Variants in ADGRG2 observed in about 807,000 individuals in gnomAD.
The protein encoded by ADGRG2 is G protein-coupled receptor 64.
In ADGRG2, 26 loss-of-function variants were observed where a neutral mutation model predicts 74.1. The observed-to-expected ratio is 0.35, with a 90% CI of 0.26 to 0.49. The LOEUF is 0.49. Ranked by LOEUF, ADGRG2 falls within the 20% of genes least tolerant of loss-of-function variation. ADGRG2 has a pLI of 0.99. For missense variants in ADGRG2, 619 were observed against 763.1 expected, an observed-to-expected ratio of 0.81 and a Z score of 2.22; for synonymous variants, 296 against 295.2, an observed-to-expected ratio of 1.00 and a Z score of -0.03.
chrX:19,114,897 C>T (rs758404126), intron 1 of ADGRG2, among the ~76,000 whole-genome samples: 2 of 111,783 alleles, frequency 1.8e-5, no homozygotes, highest in African/African-American at 3.3e-5. Context: ...TGACCTTAGA[C>T]AAGTAACTTA....
Position 19,013,783 on chromosome X carries a change from G to C in ADGRG2, c.1002C>G (p.Val334=). 1 of 1,199,567 alleles carries C rather than the reference G, an allele frequency of 8.3e-7. No individual in the cohort carries two copies. The highest frequency in any genetic ancestry group is 1.1e-6 in the Non-Finnish European group (1 of 890,000). Residue 334 remains valine, a synonymous_variant, in exon 16 of 29, where the codon GTC becomes GTG. Transcript: ENST00000379869. ...TISSPMPQTH[V]SGTPPPVKAS... ...CTTTCACAGGAGGTGGGGTGCCGGA[G>C]ACATGGGTTTGGGGCATAGGGGAAG...
intron 1 of ADGRG2, among the ~76,000 whole-genome samples, chrX:19,102,796 T>C (rs1358024378): frequency 1.8e-5 from 2 of 110,675 alleles, no homozygotes; most frequent in African/African-American, 6.6e-5. Context: ...AGAAGGCAGC[T>C]GTCTATAAAC....
chrX:19,116,467 C>T (rs1459854461), intron 1 of ADGRG2, among the ~76,000 whole-genome samples: 1 of 97,355 alleles, frequency 1.0e-5, no homozygotes, highest in Non-Finnish European at 2.0e-5. Context: ...GCCAAGATCG[C>T]GCCACTGCAG....
chrX:19,111,250 T>C (rs1858816636), intron 1 of ADGRG2, among the ~76,000 whole-genome samples: 1 of 111,167 alleles, frequency 9.0e-6, no homozygotes, highest in Admixed American at 9.7e-5. Flanking sequence ...GAGATGCCTC[T>C]TAGAGATTCA....
At chrX:19,004,970 A>G (rs2060201142) in intron 22 of ADGRG2, 91 bp from the exon 23 acceptor site, 12 of 689,080 alleles carry the variant, frequency 1.7e-5, no homozygotes, top group Non-Finnish European at 2.5e-5. Flanking sequence ...ATCCATTCAT[A>G]GTCTATTCAA....
intron 14 of ADGRG2, among the ~76,000 whole-genome samples, chrX:19,020,054 A>G (rs2060557179): frequency 9.0e-6 from 1 of 111,676 alleles, no homozygotes; most frequent in Admixed American, 9.6e-5. Context: ...ACAGAGAGTG[A>G]AATGCTGTTT....
At chrX:19,071,540 A>G (rs1383652161) in intron 2 of ADGRG2, among the ~76,000 whole-genome samples, 4 of 112,031 alleles carry the variant, frequency 3.6e-5, no homozygotes, top group South Asian at 3.8e-4. Context: ...CTTATTGTAC[A>G]TAATTCCATT....
At chrX:18,997,602 TG>T (rs1398818302) in intron 26 of ADGRG2, among the ~76,000 whole-genome samples, 1 of 112,707 alleles carries the variant, frequency 8.9e-6, no homozygotes, top group Non-Finnish European at 1.9e-5. Flanking sequence ...GTGTAACACC[TG>T]GATATACCAA....
chrX:19,094,628 C>A (rs2062066325), intron 1 of ADGRG2, among the ~76,000 whole-genome samples: 1 of 112,674 alleles, frequency 8.9e-6, no homozygotes, highest in African/African-American at 3.2e-5. Flanking sequence ...CCAGGAAAGT[C>A]TTGCAGTGGC....
At chrX:19,065,248 C>G (rs1202173106) in intron 3 of ADGRG2, among the ~76,000 whole-genome samples, 2 of 34,289 alleles carry the variant, frequency 5.8e-5, no homozygotes, top group Non-Finnish European at 9.7e-5. Flanking sequence ...TGGGCGACAA[C>G]AAGATCCTGT....
intron 1 of ADGRG2, among the ~76,000 whole-genome samples, chrX:19,100,430 CAA>C (rs1206572134): frequency 4.4e-5 from 5 of 113,230 alleles, no homozygotes; most frequent in African/African-American, 1.3e-4. Flanking sequence ...GACTCTGTTC[CAA>C]TAAACCTTCA....
intron 24 of ADGRG2, among the ~76,000 whole-genome samples, chrX:19,000,347 A>C (rs905945677): frequency 4.5e-5 from 5 of 111,690 alleles, no homozygotes. Flanking sequence ...TAGAGATCAC[A>C]TCCTATTTAC....
chrX:19,045,123 G>A (rs1601976368), intron 3 of ADGRG2, among the ~76,000 whole-genome samples: 1 of 109,785 alleles, frequency 9.1e-6, no homozygotes, highest in Non-Finnish European at 1.9e-5. Context: ...TTGAGAAACA[G>A]GATGGGTGAG....
intron 20 of ADGRG2, among the ~76,000 whole-genome samples, 165 bp downstream of exon 20, chrX:19,007,066 TTAAG>T (rs2060250767): frequency 9.0e-6 from 1 of 111,645 alleles, no homozygotes; most frequent in South Asian, 3.7e-4. Flanking sequence ...TGGTCAATTA[TTAAG>T]TGTGTTAAAA....
At position 18,990,113 on chromosome X, in the gene ADGRG2, C is replaced by T. The variant is rs952022896; in HGVS notation, c.*751G>A. 2 of 112,634 alleles carry T rather than the reference C, an allele frequency of 1.8e-5. No homozygotes were observed. Among genetic ancestry groups the T allele is most frequent in the Non-Finnish European group, 3.8e-5 (2 of 53,283 alleles). 9.3% of individuals were successfully genotyped at this position (112,634 alleles called of 1,213,427 possible). On this transcript the variant is annotated 3_prime_UTR_variant, in exon 29 of 29. Coordinates refer to ENST00000379869, the MANE Select transcript of ADGRG2 (RefSeq NM_001079858.3). ...TGAGTGGGGCTAAAATATGGTCTCT[C>T]CACTCTGTTTGTCAAACCATGAGCC...
chrX:19,068,670 T>C (rs374418078), intron 3 of ADGRG2, 47 bp downstream of exon 3: 23 of 540,235 alleles, frequency 4.3e-5, no homozygotes, highest in Non-Finnish European at 6.6e-5. Context: ...AATACACACA[T>C]GCAGATAAAC....
At chrX:19,103,316 T>TACTTTTTACAC (rs1248743912) in intron 1 of ADGRG2, among the ~76,000 whole-genome samples, 2 of 111,705 alleles carry the variant, frequency 1.8e-5, no homozygotes, top group East Asian at 5.6e-4. Context: ...CTTTACAGTG[T>TACTTTTTACAC]AAAAAGGGGA....
intron 2 of ADGRG2, among the ~76,000 whole-genome samples, chrX:19,082,072 C>CAAAAAAAAAAAAAAAAAAA (rs57534658): frequency 2.4e-4 from 5 of 21,186 alleles, no homozygotes; most frequent in East Asian, 2.0e-3. Context: ...GACCCTGTCT[C>CAAAAAAAAAAAAAAAAAAA]AAAAAAAAAA....
chrX:19,080,312 C>G (rs2061825780), intron 2 of ADGRG2, among the ~76,000 whole-genome samples: 1 of 111,277 alleles, frequency 9.0e-6, no homozygotes, highest in Admixed American at 9.6e-5. Context: ...GTGAATTATC[C>G]AACGCAAGGT....
Sources: gnomAD v4.1 joint callset for allele counts (sites outside exome capture counted in the v4.1 genomes callset) on GRCh38, gnomAD v4.1.1 for gene constraint, MANE v1.5 for transcripts, NCBI Gene and HGNC (gene_info 2026-07-23, HGNC 2026-07-21) for gene names.